Variants in RALGAPA1 observed in about 807,000 individuals in gnomAD.
The protein encoded by RALGAPA1 is Ral GTPase activating protein catalytic subunit alpha 1.
RALGAPA1 carries 52 observed loss-of-function variants against 269.6 expected under a neutral mutation model. The ratio of observed to expected loss-of-function variants is 0.19; its 90% confidence interval spans 0.15 to 0.24. RALGAPA1 has a LOEUF of 0.24. Ranked by LOEUF, RALGAPA1 falls within the 10% of genes least tolerant of loss-of-function variation. The pLI, the probability that RALGAPA1 is intolerant of heterozygous loss-of-function variation, is 1.00. For missense variants in RALGAPA1, 1,917 were observed against 3,013.9 expected, an observed-to-expected ratio of 0.64 and a Z score of 8.52; for synonymous variants, 817 against 1,008.3, an observed-to-expected ratio of 0.81 and a Z score of 3.60.
intron 37 of RALGAPA1, among the ~76,000 whole-genome samples, chr14:35,584,579 T>G (rs1353998381): frequency 6.6e-6 from 1 of 152,198 alleles, no homozygotes; most frequent in Non-Finnish European, 1.5e-5. Context: ...TAGTGTAATT[T>G]GAAAGTGGAC....
chr14:35,549,242 C>G lies in RALGAPA1; in HGVS notation c.7497-8G>C. On this transcript the variant is annotated splice_region_variant and splice_polypyrimidine_tract_variant and intron_variant, in intron 39 of 41. Transcript: ENST00000680220. The stretch of plus-strand genomic sequence containing the variant: ...CGTGCTCTCTCCTCATAGCTGATTT[C>G]CTTTGGTTAAGGATAAACTTAAGTG... 1 of 1,609,538 alleles carries G rather than the reference C, an allele frequency of 6.2e-7. No individual in the cohort carries two copies. Among genetic ancestry groups the G allele is most frequent in the Non-Finnish European group, 8.5e-7 (1 of 1,177,346 alleles).
In RALGAPA1 at chr14:35,635,450, G is replaced by C. The variant is rs201101408; in HGVS notation, c.5811+14C>G. On this transcript the variant is annotated intron_variant, in intron 32 of 41. Transcript: ENST00000680220. ...TCTTGGTTACCAAATAAATAATAAAGCAAGGAAGTTTACCTTATAAATGCA... is the reference window on the plus strand; with the variant it reads ...TCTTGGTTACCAAATAAATAATAAACCAAGGAAGTTTACCTTATAAATGCA... 1 of 1,574,222 alleles carries C rather than the reference G, an allele frequency of 6.4e-7. No individual in the cohort carries two copies. The highest frequency in any genetic ancestry group is 1.9e-5 in the Admixed American group (1 of 52,278).
At chr14:35,630,293 G>C (rs766982193) in intron 33 of RALGAPA1, among the ~76,000 whole-genome samples, 3 of 145,016 alleles carry the variant, frequency 2.1e-5, no homozygotes, top group African/African-American at 7.5e-5. Context: ...TTATTTACTG[G>C]TTTTTTTTTT....
At chr14:35,600,232 C>CTTTTT (rs71124708) in intron 36 of RALGAPA1, among the ~76,000 whole-genome samples, 3,669 of 86,694 alleles carry the variant, frequency 0.042, 397 homozygotes, top group African/African-American at 0.14. Context: ...TTCTTTTTTT[C>CTTTTT]TTTTTTTTTT....
At position 35,672,899 on chromosome 14, in the gene RALGAPA1, T is replaced by C. The variant is rs1303930267; in HGVS notation, c.5041A>G (p.Ile1681Val). 5 of 1,563,796 alleles carry C rather than the reference T, an allele frequency of 3.2e-6. No individual in the cohort carries two copies. Among genetic ancestry groups the C allele is most frequent in the Non-Finnish European group, 4.3e-6 (5 of 1,154,768 alleles). The change falls in exon 25 of 42, where the codon ATA becomes GTA. Residue 1681 changes from isoleucine to valine, a missense_variant. Physicochemically the swap from Ile to Val is conservative, Grantham distance 29. Coordinates refer to ENST00000680220, the MANE Select transcript of RALGAPA1 (RefSeq NM_001346249.2). ...NRDFLTHFYN[I>V]MHCGLLHIDQ... Reference sequence around the variant, plus strand: ...ATATGAAGTAATCCACAATGCATTATATTGTAGAAATGTGTTAGAAAATCT... The same window carrying C: ...ATATGAAGTAATCCACAATGCATTACATTGTAGAAATGTGTTAGAAAATCT...
At chr14:35,775,359 A>C (rs368335721) in intron 2 of RALGAPA1, among the ~76,000 whole-genome samples, 1 of 152,216 alleles carries the variant, frequency 6.6e-6, no homozygotes, top group Non-Finnish European at 1.5e-5. Context: ...ATATGCTCCT[A>C]GGGCAGAACC....
chr14:35,577,391 T>C (rs1420056748), intron 37 of RALGAPA1, among the ~76,000 whole-genome samples: 2 of 152,054 alleles, frequency 1.3e-5, no homozygotes, highest in East Asian at 3.9e-4. Context: ...AATGTCCTTA[T>C]AAAAGAGACC....
intron 39 of RALGAPA1, among the ~76,000 whole-genome samples, chr14:35,561,521 T>G (rs1406373441): frequency 4.2e-5 from 6 of 143,258 alleles, no homozygotes; most frequent in South Asian, 2.3e-4. Flanking sequence ...TTTTTTTTTT[T>G]TTTTTTTTTT....
chr14:35,570,581 G>T, intron 39 of RALGAPA1, 36 bp downstream of exon 39: 1 of 1,538,030 alleles, frequency 6.5e-7, no homozygotes, highest in Non-Finnish European at 8.8e-7. Flanking sequence ...GTAGACATAC[G>T]TTAGAGTAGA....
chr14:35,589,860 T>C (rs181695504), intron 37 of RALGAPA1, among the ~76,000 whole-genome samples: 11 of 152,176 alleles, frequency 7.2e-5, no homozygotes, highest in Non-Finnish European at 1.5e-4. Flanking sequence ...CCACTATGCC[T>C]GGCTAATTTT....
chr14:35,612,259 T>C lies in RALGAPA1; in HGVS notation c.6930-6550A>G, dbSNP rs375554379. Among the ~76,000 whole-genome samples, 10 of 151,084 alleles carry C rather than the reference T, an allele frequency of 6.6e-5. No individual in the cohort carries two copies. The East Asian group carries it at 1.8e-3, about 27-fold the overall frequency. On this transcript the variant is annotated intron_variant, in intron 35 of 41. Coordinates refer to ENST00000680220, the MANE Select transcript of RALGAPA1 (RefSeq NM_001346249.2). ...GGTGGCATGCGTCTGCAGTCCCAGCTACCTGGGAGGCTGATGCAGGAAGAT... is the reference window on the plus strand; with the variant it reads ...GGTGGCATGCGTCTGCAGTCCCAGCCACCTGGGAGGCTGATGCAGGAAGAT...
intron 10 of RALGAPA1, among the ~76,000 whole-genome samples, chr14:35,744,850 A>G (rs1190933390): frequency 6.6e-6 from 1 of 152,222 alleles, no homozygotes; most frequent in African/African-American, 2.4e-5. Flanking sequence ...AAACATTAAA[A>G]TAGTTAAAAT....
intron 39 of RALGAPA1, among the ~76,000 whole-genome samples, chr14:35,566,469 C>T (rs2056715266): frequency 6.6e-6 from 1 of 152,084 alleles, no homozygotes; most frequent in African/African-American, 2.4e-5. Flanking sequence ...ACTGACACAG[C>T]AGTACAATTA....
intron 1 of RALGAPA1, among the ~76,000 whole-genome samples, chr14:35,806,397 C>CT (rs1048394019): frequency 5.3e-5 from 8 of 151,790 alleles, no homozygotes; most frequent in Admixed American, 1.3e-4. Flanking sequence ...TCAGACAAGG[C>CT]TTTTTTTTCT....
chr14:35,779,639 C>T (rs1283580394), intron 1 of RALGAPA1, among the ~76,000 whole-genome samples: 1 of 151,528 alleles, frequency 6.6e-6, no homozygotes, highest in Admixed American at 6.6e-5. Context: ...GTTTCAAAGA[C>T]ACAATGTTCG....
chr14:35,538,512 G>A lies in RALGAPA1; in HGVS notation c.*1202C>T, dbSNP rs909925571. ...ATTTACACATGCAGTTAGTACCAAT[G>A]TCATGCTACATTTCCTCAGGAGATG... is the stretch of plus-strand genomic sequence containing the variant. On this transcript the variant is annotated 3_prime_UTR_variant, in exon 42 of 42. Transcript: ENST00000680220. 2.0e-5 allele frequency: 3 copies of A among 152,550 alleles called. No individual in the cohort carries two copies. The highest frequency in any genetic ancestry group is 4.8e-5 in the African/African-American group (2 of 41,424). The allele number at this position is 152,550 out of a possible 1,614,324, so 9.4% of individuals were successfully genotyped here. A position where few individuals can be genotyped will look rare whatever the true frequency, so the allele number is the denominator to read the frequency against.
intron 13 of RALGAPA1, 29 bp from the exon 14 acceptor site, chr14:35,725,182 C>A: frequency 6.7e-7 from 1 of 1,495,380 alleles, no homozygotes; most frequent in South Asian, 1.4e-5. Context: ...ATTAATGTTT[C>A]CTTCTTGCAT....
chr14:35,605,232 C>G (rs1653776822), intron 36 of RALGAPA1, among the ~76,000 whole-genome samples: 2 of 152,032 alleles, frequency 1.3e-5, no homozygotes, highest in African/African-American at 4.8e-5. Context: ...AAGCTAATTT[C>G]CTCAAAACTG....
At chr14:35,628,822 A>G (rs954877040) in intron 33 of RALGAPA1, among the ~76,000 whole-genome samples, 1 of 152,160 alleles carries the variant, frequency 6.6e-6, no homozygotes. Flanking sequence ...TGCAAGAAAT[A>G]TTTTTTTCCC....
Sources: allele counts gnomAD v4.1 joint callset (sites outside exome capture counted in the v4.1 genomes callset), GRCh38; gene constraint gnomAD v4.1.1; transcripts MANE v1.5; gene names NCBI Gene and HGNC (gene_info 2026-07-23, HGNC 2026-07-21).